TVP23A: variants seen among roughly 807,000 people sequenced by gnomAD.
The protein encoded by TVP23A is trans-golgi network vesicle protein 23 homolog A.
In TVP23A, 21 loss-of-function variants were observed where a neutral mutation model predicts 31.7. The ratio of observed to expected loss-of-function variants is 0.66; its 90% CI spans 0.47 to 0.95. The LOEUF is 0.95. Among genes scored for constraint, TVP23A ranks in the 40% least tolerant of loss-of-function variants. The pLI is 0.00. For synonymous variants in TVP23A, 104 were observed against 96.0 expected, an observed-to-expected ratio of 1.08 and a Z score of -0.49; for missense variants, 279 against 255.6, an observed-to-expected ratio of 1.09 and a Z score of -0.62.
chr16:10,775,216 G>C, intron 2 of TVP23A, 120 bp from the exon 3 acceptor site: 19 of 1,468,600 alleles, frequency 1.3e-5, no homozygotes, highest in Non-Finnish European at 1.7e-5. Context: ...TGTTCTCCCC[G>C]GTGCATATGA....
downstream of TVP23A, chr16:10,757,997 C>T (rs139180704): frequency 9.9e-6 from 16 of 1,614,092 alleles, no homozygotes; most frequent in East Asian, 4.5e-5. This position sits in a 1 kb window ranked among gnomAD's most constrained non-coding sequence, Gnocchi z 4.1. Context: ...CAGCACACAT[C>T]GATGGAGCAG....
chr16:10,815,371 C>T (rs191860559), intron 2 of TVP23A, among the ~76,000 whole-genome samples: 88 of 152,284 alleles, frequency 5.8e-4, no homozygotes, highest in African/African-American at 2.1e-3. Flanking sequence ...GAGATTGCAC[C>T]ACTGTGCTCC....
At chr16:10,795,627 T>C (rs1004691644) in intron 2 of TVP23A, among the ~76,000 whole-genome samples, 1 of 152,168 alleles carries the variant, frequency 6.6e-6, no homozygotes, top group East Asian at 1.9e-4. Flanking sequence ...CTTTGAAAAC[T>C]GAGCAGCGAA....
chr16:10,770,889 A>T (rs1220452882), intron 6 of TVP23A, among the ~76,000 whole-genome samples: 1 of 137,618 alleles, frequency 7.3e-6, no homozygotes, highest in East Asian at 2.2e-4. Flanking sequence ...AAAAAAAAAA[A>T]AAAAAAATTG....
intron 2 of TVP23A, among the ~76,000 whole-genome samples, chr16:10,792,486 G>A (rs1567299002): frequency 6.6e-6 from 1 of 152,178 alleles, no homozygotes; most frequent in Non-Finnish European, 1.5e-5. Context: ...CAGGCCTCCT[G>A]AGCTAGAATC....
At chr16:10,778,661 TAAAA>T (rs532972083) in intron 2 of TVP23A, among the ~76,000 whole-genome samples, 1 of 138,132 alleles carries the variant, frequency 7.2e-6, no homozygotes. Context: ...AATACAAATG[TAAAA>T]AAAAAAAAAA....
chr16:10,818,038 G>T lies in TVP23A; in HGVS notation c.89+65C>A. 7.5e-7 allele frequency: 1 copy of T among 1,341,760 alleles called. No homozygotes were observed. The highest frequency in any genetic ancestry group is 1.0e-6 in the Non-Finnish European group (1 of 952,860). The allele number at this position is 1,341,760 out of a possible 1,614,324, so 83.1% of individuals were successfully genotyped here. A position where few individuals can be genotyped will look rare whatever the true frequency, so the allele number is the denominator to read the frequency against. On this transcript the variant is annotated intron_variant, in intron 2 of 7. Transcript: ENST00000299866. This position sits in a 1 kb window ranked among gnomAD's most constrained non-coding sequence, Gnocchi z 4.7. ...GGTGCTCAATATATTTTGAATGAATGAGTGAGTAAATGAATGAATTTGCAG... is the reference window on the plus strand; with the variant it reads ...GGTGCTCAATATATTTTGAATGAATTAGTGAGTAAATGAATGAATTTGCAG...
chr16:10,787,822 C>A lies in TVP23A; in HGVS notation c.90-12726G>T, dbSNP rs550939592. On this transcript the variant is annotated intron_variant, in intron 2 of 7. Coordinates refer to ENST00000299866, the MANE Select transcript of TVP23A (RefSeq NM_001079512.4). ...GATCTTCTTGGCATGAGATGACAAA[C>A]CCAGGGTATTTACCCCAGACAACAA... Among the ~76,000 whole-genome samples the A allele has an allele frequency of 2.0e-5, 3 of 152,236 alleles. No homozygotes were observed. In the South Asian group the frequency reaches 6.2e-4, roughly 32 times the overall value.
intron 3 of TVP23A, among the ~76,000 whole-genome samples, 185 bp downstream of exon 3, chr16:10,774,767 C>T (rs1043009109): frequency 4.6e-5 from 7 of 152,144 alleles, no homozygotes; most frequent in Non-Finnish European, 7.4e-5. Context: ...CACACCACCG[C>T]GCCAGGCTAA....
At chr16:10,776,709 A>G (rs1257958287) in intron 2 of TVP23A, among the ~76,000 whole-genome samples, 1 of 152,216 alleles carries the variant, frequency 6.6e-6, no homozygotes, top group Non-Finnish European at 1.5e-5. Context: ...GGAATAAAGA[A>G]TGGCTAGTCT....
intron 2 of TVP23A, among the ~76,000 whole-genome samples, chr16:10,787,600 A>C (rs930388640): frequency 6.6e-6 from 1 of 152,134 alleles, no homozygotes; most frequent in Non-Finnish European, 1.5e-5. Flanking sequence ...GGTCCAACCA[A>C]TCTGTGGGCT....
Position 10,768,135 on chromosome 16 carries a change from G to A in TVP23A, c.*967C>T. The stretch of plus-strand genomic sequence containing the variant: ...ACAGGTGGGTGGTGGGGTCTGTGAT[G>A]ACCACAGAGTGGCCCCCATAGCCGA... On this transcript the variant is annotated 3_prime_UTR_variant, in exon 8 of 8. Transcript: ENST00000299866. This position sits in a 1 kb window ranked among gnomAD's most constrained non-coding sequence, Gnocchi z 4.3. 1 of 1,073,346 alleles carries A rather than the reference G, an allele frequency of 9.3e-7. No homozygotes were observed. Among genetic ancestry groups the A allele is most frequent in the Non-Finnish European group, 1.4e-6 (1 of 709,900 alleles). 66.5% of individuals were successfully genotyped at this position (1,073,346 alleles called of 1,614,324 possible).
chr16:10,768,919 CA>C lies in TVP23A; in HGVS notation c.*182del. 1 of 761,234 alleles carries C rather than the reference CA, an allele frequency of 1.3e-6. No homozygotes were observed. The highest frequency in any genetic ancestry group is 2.2e-6 in the Non-Finnish European group (1 of 444,596). The allele number at this position is 761,234 out of a possible 1,614,324, so 47.2% of individuals were successfully genotyped here. The stretch of plus-strand genomic sequence containing the variant: ...TCAAAGACTCAGGGCATCACAGACA[CA>C]GGTCTTTTTATGGAACTAGCCAGAG... On this transcript the variant is annotated 3_prime_UTR_variant, in exon 8 of 8. Transcript: ENST00000299866. This position sits in a 1 kb window ranked among gnomAD's most constrained non-coding sequence, Gnocchi z 4.3.
rs757532837 is a variant in TVP23A, at chr16:10,775,098, T to A, written c.90-2A>T. On this transcript the variant is annotated splice_acceptor_variant, in intron 2 of 7. Coordinates refer to ENST00000299866, the MANE Select transcript of TVP23A (RefSeq NM_001079512.4). LOFTEE classifies it high-confidence loss of function. ...TGGAAAAAGGTGGCCAAGGGGTGTC[T>A]AGGAAAGGACCCAGAAGGCGCCCTC... is the stretch of plus-strand genomic sequence containing the variant. The A allele has an allele frequency of 8.7e-6, 14 of 1,605,790 alleles. No homozygotes were observed. The African/African-American group carries it at 1.9e-4, about 22-fold the overall frequency.
Position 10,774,945 on chromosome 16 carries a change from G to C in TVP23A, c.234+7C>G, listed in dbSNP as rs1015891587. The C allele has an allele frequency of 6.2e-7, 1 of 1,611,160 alleles. No homozygotes were observed. The stretch of plus-strand genomic sequence containing the variant: ...GGAAGTGATGACATCACACGAAAGG[G>C]CCTCACCTTCACAGACCAGAAGTCC... On this transcript the variant is annotated splice_region_variant and intron_variant, in intron 3 of 7. Coordinates refer to ENST00000299866, the MANE Select transcript of TVP23A (RefSeq NM_001079512.4).
Position 10,773,341 on chromosome 16 carries a change from G to A in TVP23A, c.425C>T (p.Thr142Ile). ...CCACTTTAGCTTCAAGGAAAATAAG[G>A]TGCTAAAAAAAAACACAATCCATAT... ...PMIWIVFFFS[T>I]LFSLKLKWLA... The change falls in exon 5 of 8, where the codon ACC (threonine) becomes ATC (isoleucine). Residue 142 changes from threonine to isoleucine, a missense_variant. Coordinates refer to ENST00000299866, the MANE Select transcript of TVP23A (RefSeq NM_001079512.4). The A allele has an allele frequency of 3.1e-6, 5 of 1,609,226 alleles. No individual in the cohort carries two copies. The highest frequency in any genetic ancestry group is 4.2e-6 in the Non-Finnish European group (5 of 1,178,738).
chr16:10,806,811 T>C (rs1487623527), intron 2 of TVP23A, among the ~76,000 whole-genome samples: 1 of 152,176 alleles, frequency 6.6e-6, no homozygotes, highest in African/African-American at 2.4e-5. Context: ...CCTTCAGTGA[T>C]TTTGTTGTGG....
Position 10,771,805 on chromosome 16 carries a change from T to G in TVP23A, c.454-7A>C, listed in dbSNP as rs369163539. 3 of 1,563,614 alleles carry G rather than the reference T, an allele frequency of 1.9e-6. No homozygotes were observed. The highest frequency in any genetic ancestry group is 2.6e-6 in the Non-Finnish European group (3 of 1,153,564). ...TCCCAGCAACCACCAGAGCCTGCAC[T>G]CAGACAAAGAAAGCAAAGGTCACTT... On this transcript the variant is annotated splice_polypyrimidine_tract_variant and splice_region_variant and intron_variant, in intron 5 of 7. Transcript: ENST00000299866.
intron 2 of TVP23A, among the ~76,000 whole-genome samples, chr16:10,811,654 G>A (rs892931391): frequency 4.6e-5 from 7 of 151,694 alleles, no homozygotes; most frequent in Non-Finnish European, 8.8e-5. Context: ...GGTACAAATC[G>A]GCCACTTTAG....
Sources: gnomAD v4.1 joint callset for allele counts (sites outside exome capture counted in the v4.1 genomes callset) on GRCh38, gnomAD v4.1.1 for gene constraint, Gnocchi (gnomAD v3.1) non-coding constraint, MANE v1.5 for transcripts, NCBI Gene and HGNC (gene_info 2026-07-23, HGNC 2026-07-21) for gene names.